Variants in BTG4 observed in about 807,000 individuals in gnomAD.
BTG4 encodes protein BTG4.
In BTG4, 10 loss-of-function variants were observed where a neutral mutation model predicts 19.3. That is an observed-to-expected ratio of 0.52 (90% CI 0.32 to 0.88). The LOEUF (loss-of-function observed/expected upper bound fraction) is 0.88. Ranked by LOEUF, BTG4 falls within the 40% of genes least tolerant of loss-of-function variation. The pLI is 0.04. For synonymous variants in BTG4, 91 were observed against 95.7 expected (o/e 0.95, Z 0.29); for missense variants, 238 against 281.9 (o/e 0.84, Z 1.11).
chr11:111,393,829 T>C, the BTG4 span, among the ~76,000 whole-genome samples: 1 of 152,210 alleles, frequency 6.6e-6, no homozygotes, highest in Non-Finnish European at 1.5e-5. Flanking sequence ...TTAGAAATAC[T>C]CAGCACAGTT....
chr11:111,404,511 CAG>C, the BTG4 span: 1 of 448,122 alleles, frequency 2.2e-6, no homozygotes, highest in Non-Finnish European at 4.5e-6. Context: ...CACCATGAAA[CAG>C]GGGGCAGGGA....
the BTG4 span, among the ~76,000 whole-genome samples, chr11:111,436,302 T>C: frequency 4.6e-5 from 7 of 152,162 alleles, no homozygotes; most frequent in African/African-American, 1.7e-4. Flanking sequence ...CCTGGCTTTT[T>C]AGACCTGGCA....
the BTG4 span, among the ~76,000 whole-genome samples, chr11:111,440,981 C>T: frequency 2.8e-4 from 42 of 152,264 alleles, no homozygotes; most frequent in Admixed American, 2.2e-3. Context: ...GACAGGCACC[C>T]GCAGACCCAT....
downstream of BTG4, among the ~76,000 whole-genome samples, chr11:111,465,108 C>A (rs1863645024): frequency 6.6e-6 from 1 of 152,212 alleles, no homozygotes; most frequent in Admixed American, 6.5e-5. Flanking sequence ...ACCAATACCA[C>A]TCCTTGGAAT....
chr11:111,397,792 C>T, the BTG4 span: 1 of 152,174 alleles, frequency 6.6e-6, no homozygotes, highest in Non-Finnish European at 1.5e-5. Flanking sequence ...AATATCACCA[C>T]ATTTCAGCAG....
At chr11:111,430,094 G>A in the BTG4 span, among the ~76,000 whole-genome samples, 6 of 152,134 alleles carry the variant, frequency 3.9e-5, no homozygotes, top group South Asian at 4.1e-4. Context: ...CCAAAATATC[G>A]GAGATAGGTC....
the BTG4 span, chr11:111,414,255 G>C: frequency 6.6e-6 from 1 of 152,192 alleles, no homozygotes; most frequent in Non-Finnish European, 1.5e-5. Context: ...ATGTTTAATA[G>C]ATTTTTAATG....
the BTG4 span, among the ~76,000 whole-genome samples, chr11:111,434,390 G>A: frequency 6.6e-6 from 1 of 152,088 alleles, no homozygotes; most frequent in South Asian, 2.1e-4. Context: ...ATCCCACACT[G>A]GGGCCTGTTG....
chr11:111,414,517 G>T, the BTG4 span: 2 of 152,222 alleles, frequency 1.3e-5, no homozygotes, highest in Non-Finnish European at 2.9e-5. Flanking sequence ...GTTGTGTGAA[G>T]ACACTAGATG....
the BTG4 span, among the ~76,000 whole-genome samples, chr11:111,400,218 G>A: frequency 1.3e-5 from 2 of 152,200 alleles, no homozygotes; most frequent in African/African-American, 4.8e-5. Flanking sequence ...CAGAGCAAAT[G>A]ATTGTGCCAA....
At chr11:111,472,175 T>G (rs1038523391) in intron 5 of BTG4, among the ~76,000 whole-genome samples, 1 of 152,230 alleles carries the variant, frequency 6.6e-6, no homozygotes, top group Non-Finnish European at 1.5e-5. Context: ...GTCTCCCCAA[T>G]TTACTCAGAG....
the BTG4 span, among the ~76,000 whole-genome samples, chr11:111,388,603 G>A: frequency 5.3e-5 from 8 of 152,152 alleles, 1 homozygote; most frequent in South Asian, 4.2e-4. Context: ...CTTCACGCAC[G>A]CCCCACACCC....
At chr11:111,498,266 T>C in intron 2 of BTG4, 131 bp from the exon 3 acceptor site, 1 of 933,442 alleles carries the variant, frequency 1.1e-6, no homozygotes. Flanking sequence ...CTCAGCCTCC[T>C]CCACCCTCCA....
At position 111,499,877 on chromosome 11, in the gene BTG4, C is replaced by T. The variant is rs139569023; in HGVS notation, c.-26-1075G>A. On this transcript the variant is annotated intron_variant, in intron 1 of 4. Coordinates refer to ENST00000692032, the MANE Select transcript of BTG4 (RefSeq NM_001367975.1). ...AGATTCTTGGCCAGGCGCGGTGGCT[C>T]ATGCCTATAATCCCAACACTTTGGA... Among the ~76,000 whole-genome samples, 12 of 152,226 alleles carry T rather than the reference C, an allele frequency of 7.9e-5. No homozygotes were observed. In the East Asian group the frequency reaches 1.5e-3, roughly 20 times the overall value.
At chr11:111,450,500 C>A in the BTG4 span, 2 of 152,572 alleles carry the variant, frequency 1.3e-5, no homozygotes, top group Non-Finnish European at 2.9e-5. Flanking sequence ...CGGGACCACA[C>A]ACATGCAAGC....
intron 1 of BTG4, among the ~76,000 whole-genome samples, chr11:111,499,896 C>T (rs921396915): frequency 5.3e-5 from 8 of 152,162 alleles, no homozygotes; most frequent in African/African-American, 1.7e-4. Flanking sequence ...AATCCCAACA[C>T]TTTGGAAGGC....
intron 5 of BTG4, among the ~76,000 whole-genome samples, chr11:111,480,596 A>G (rs1308473792): frequency 6.6e-6 from 1 of 152,006 alleles, no homozygotes; most frequent in African/African-American, 2.4e-5. Context: ...AATTGAAAAC[A>G]TGCAGAGTGT....
rs1865885409 is a variant in BTG4, at chr11:111,498,686, CAA to C, written c.89_90del (p.Phe30CysfsTer10). 1.2e-6 allele frequency: 2 copies of C among 1,613,798 alleles called. No individual in the cohort carries two copies. Among genetic ancestry groups the C allele is most frequent in the Non-Finnish European group, 1.7e-6 (2 of 1,179,928 alleles). On this transcript the variant is annotated frameshift_variant, in exon 2 of 5. Coordinates refer to ENST00000692032, the MANE Select transcript of BTG4 (RefSeq NM_001367975.1). LOFTEE classifies it high-confidence loss of function. ...DKLSKQQIED[F>X]AEKLMTILFE... ...AACAAGATCGTCATCAGCTTTTCTGCAAAGTCTTCTATTTGCTGTTTACTTAG... is the reference window on the plus strand; with the variant it reads ...AACAAGATCGTCATCAGCTTTTCTGCAGTCTTCTATTTGCTGTTTACTTAG...
intron 5 of BTG4, among the ~76,000 whole-genome samples, chr11:111,484,743 A>G (rs777034410): frequency 4.6e-5 from 7 of 152,194 alleles, no homozygotes; most frequent in Non-Finnish European, 7.4e-5. Flanking sequence ...CAAAACAACC[A>G]GAAAACAAAC....
Sources: allele counts gnomAD v4.1 joint callset (sites outside exome capture counted in the v4.1 genomes callset), GRCh38; gene constraint gnomAD v4.1.1; transcripts MANE v1.5; gene names NCBI Gene and HGNC (gene_info 2026-07-23, HGNC 2026-07-21).